The following HCN1 variants were observed in gnomAD, a reference collection of about 807,000 sequenced individuals.
HCN1 encodes potassium/sodium hyperpolarization-activated cyclic nucleotide-gated channel 1.
In HCN1, 13 loss-of-function variants were observed where a neutral mutation model predicts 78.9. The ratio of observed to expected loss-of-function variants is 0.16; its 90% CI spans 0.11 to 0.26. The LOEUF is 0.26. HCN1 is among the 10% of genes least tolerant of loss of function. The pLI is 1.00. For synonymous variants in HCN1, 552 were observed against 455.5 expected, an observed-to-expected ratio of 1.21 and a Z score of -2.70; for missense variants, 810 against 1,154.3, an observed-to-expected ratio of 0.70 and a Z score of 4.32.
intron 2 of HCN1, among the ~76,000 whole-genome samples, chr5:45,578,216 C>T (rs1258442423): frequency 1.3e-5 from 2 of 151,858 alleles, no homozygotes; most frequent in East Asian, 3.9e-4. Flanking sequence ...TAATGGAAGG[C>T]CAACTTAGTA....
rs1404294661 is a variant in HCN1, at chr5:45,375,782, A to C, written c.1230+20710T>G. Among the ~76,000 whole-genome samples the C allele has an allele frequency of 1.5e-3, 155 of 100,596 alleles. 3 individuals are homozygous for C. The highest frequency in any genetic ancestry group is 6.1e-3 in the African/African-American group (150 of 24,660). 66.0% of individuals were successfully genotyped at this position (100,596 alleles called of 152,430 possible). On this transcript the variant is annotated intron_variant, in intron 4 of 7. Coordinates refer to ENST00000303230, the MANE Select transcript of HCN1 (RefSeq NM_021072.4). Reference sequence around the variant, plus strand: ...TATTTTATGATATATCTTATATATAATATAATATTTTATGATATATCTTAT... The same window carrying C: ...TATTTTATGATATATCTTATATATACTATAATATTTTATGATATATCTTAT...
At chr5:45,622,383 A>T (rs546034160) in intron 2 of HCN1, among the ~76,000 whole-genome samples, 5 of 152,176 alleles carry the variant, frequency 3.3e-5, no homozygotes, top group Non-Finnish European at 7.3e-5. Flanking sequence ...TGCTCACCAT[A>T]ATGAAAGATA....
At chr5:45,264,045 G>A (rs905818340) in intron 7 of HCN1, among the ~76,000 whole-genome samples, 3 of 152,036 alleles carry the variant, frequency 2.0e-5, no homozygotes, top group African/African-American at 4.8e-5. Flanking sequence ...CACCCGCCTC[G>A]GCCTCCCAAA....
intron 1 of HCN1, among the ~76,000 whole-genome samples, chr5:45,647,811 C>T (rs1745581211): frequency 6.6e-6 from 1 of 152,034 alleles, no homozygotes; most frequent in African/African-American, 2.4e-5. Context: ...TGGAGCCATC[C>T]TAAATAACTC....
intron 3 of HCN1, among the ~76,000 whole-genome samples, chr5:45,401,593 A>G (rs1434626192): frequency 6.6e-6 from 1 of 151,288 alleles, no homozygotes; most frequent in Non-Finnish European, 1.5e-5. Flanking sequence ...TATGTCCTGA[A>G]TGTTTTTTCA....
At chr5:45,277,518 A>G (rs1225118556) in intron 6 of HCN1, among the ~76,000 whole-genome samples, 1 of 152,146 alleles carries the variant, frequency 6.6e-6, no homozygotes, top group Non-Finnish European at 1.5e-5. Flanking sequence ...GAGTGAATAT[A>G]AGATAAAAGA....
At chr5:45,430,331 ATAT>A (rs1740436157) in intron 3 of HCN1, among the ~76,000 whole-genome samples, 1 of 151,990 alleles carries the variant, frequency 6.6e-6, no homozygotes, top group Non-Finnish European at 1.5e-5. Context: ...TAGGTTTGTT[ATAT>A]AGGTAAACTG....
At chr5:45,308,211 T>A (rs1182879247) in intron 5 of HCN1, among the ~76,000 whole-genome samples, 2 of 152,126 alleles carry the variant, frequency 1.3e-5, no homozygotes, top group Non-Finnish European at 2.9e-5. Flanking sequence ...TGATTGAATA[T>A]TTCCTGAGGT....
chr5:45,600,823 T>C (rs577620360), intron 2 of HCN1, among the ~76,000 whole-genome samples: 4 of 152,250 alleles, frequency 2.6e-5, no homozygotes, highest in South Asian at 2.1e-4. Context: ...CTATATGGGT[T>C]AGAGAAGTTA....
chr5:45,369,593 A>G (rs1747310878), intron 4 of HCN1, among the ~76,000 whole-genome samples: 1 of 152,114 alleles, frequency 6.6e-6, no homozygotes, highest in Non-Finnish European at 1.5e-5. Flanking sequence ...ATATATTCGC[A>G]TCTGCCTGCA....
At chr5:45,350,430 C>T (rs1326793778) in intron 5 of HCN1, among the ~76,000 whole-genome samples, 1 of 152,068 alleles carries the variant, frequency 6.6e-6, no homozygotes, top group Admixed American at 6.6e-5. Context: ...ACTGAGTGGG[C>T]AAAAACTGGA....
At chr5:45,337,820 T>C (rs946959539) in intron 5 of HCN1, among the ~76,000 whole-genome samples, 1 of 152,110 alleles carries the variant, frequency 6.6e-6, no homozygotes, top group Non-Finnish European at 1.5e-5. Context: ...GAGATAACAT[T>C]TGTATTGAGA....
At chr5:45,519,572 T>C (rs2111775239) in intron 2 of HCN1, among the ~76,000 whole-genome samples, 1 of 152,060 alleles carries the variant, frequency 6.6e-6, no homozygotes, top group South Asian at 2.1e-4. Context: ...TAACATGTTT[T>C]CCCCCTCAGT....
intron 4 of HCN1, among the ~76,000 whole-genome samples, chr5:45,359,870 A>G (rs1386767319): frequency 6.6e-6 from 1 of 151,740 alleles, no homozygotes; most frequent in Non-Finnish European, 1.5e-5. Flanking sequence ...TGGCATTGTA[A>G]AACTCCATGA....
At chr5:45,352,458 C>T (rs1358024111) in intron 5 of HCN1, among the ~76,000 whole-genome samples, 1 of 151,756 alleles carries the variant, frequency 6.6e-6, no homozygotes, top group African/African-American at 2.4e-5. Flanking sequence ...ACACCAGCAT[C>T]GCACATGTAT....
At chr5:45,270,945 A>T (rs1744949559) in intron 6 of HCN1, among the ~76,000 whole-genome samples, 1 of 152,092 alleles carries the variant, frequency 6.6e-6, no homozygotes, top group African/African-American at 2.4e-5. Context: ...TCATCTGATG[A>T]TCTCATATAA....
chr5:45,691,847 T>C (rs1431907219), intron 1 of HCN1, among the ~76,000 whole-genome samples: 1 of 152,176 alleles, frequency 6.6e-6, no homozygotes, highest in Non-Finnish European at 1.5e-5. Context: ...GTGGCTGCAA[T>C]TCAAAGCAGA....
rs1487953271 is a variant in HCN1 at position 45,682,544 on chromosome 5, A to AT, written c.425+13124dup. On this transcript the variant is annotated intron_variant, in intron 1 of 7. Transcript: ENST00000303230. ...GCATAATATTGCTAAAAGTCTCTTT[A>AT]TTTTTTCAAATTTATTAAGTGCCTA... Among the ~76,000 whole-genome samples the AT allele has an allele frequency of 1.6e-4, 25 of 151,956 alleles. No homozygotes were observed. In the South Asian group the frequency reaches 5.2e-3, roughly 32 times the overall value.
At position 45,647,556 on chromosome 5, in the gene HCN1, C is replaced by A. The variant is rs547062535; in HGVS notation, c.426-1948G>T. Among the ~76,000 whole-genome samples the A allele has an allele frequency of 7.2e-5, 11 of 152,152 alleles. No homozygotes were observed. The South Asian group carries it at 2.3e-3, about 32-fold the overall frequency. ...GAGAAATATTATACACTTATCCATG[C>A]CTTTAATAATTAATTTGTAACTGAT... On this transcript the variant is annotated intron_variant, in intron 1 of 7. Coordinates refer to ENST00000303230, the MANE Select transcript of HCN1 (RefSeq NM_021072.4).
Sources: allele counts gnomAD v4.1 joint callset (sites outside exome capture counted in the v4.1 genomes callset), GRCh38; gene constraint gnomAD v4.1.1; transcripts MANE v1.5; gene names NCBI Gene and HGNC (gene_info 2026-07-23, HGNC 2026-07-21).